CSTPP1: variants seen among roughly 807,000 people sequenced by gnomAD.
The protein encoded by CSTPP1 is centriolar satellite-associated tubulin polyglutamylase complex regulator 1, also known as UPF0705 protein C11orf49.
chr11:46,998,142 T>C, the CSTPP1 span, among the ~76,000 whole-genome samples: 1 of 152,228 alleles, frequency 6.6e-6, no homozygotes, highest in African/African-American at 2.4e-5. Context: ...CTGGGAGCTG[T>C]AGACTGGAGC....
chr11:47,096,998 T>C, the CSTPP1 span, among the ~76,000 whole-genome samples: 1 of 152,158 alleles, frequency 6.6e-6, no homozygotes, highest in African/African-American at 2.4e-5. Context: ...GATCTCCTAA[T>C]AAAGCAGGGA....
chr11:47,129,278 A>T, the CSTPP1 span, among the ~76,000 whole-genome samples: 1 of 152,132 alleles, frequency 6.6e-6, no homozygotes, highest in African/African-American at 2.4e-5. Context: ...TCTAGGCTGG[A>T]GTCACTTCTT....
At chr11:47,077,389 C>T in the CSTPP1 span, among the ~76,000 whole-genome samples, 4 of 151,834 alleles carry the variant, frequency 2.6e-5, no homozygotes, top group East Asian at 3.9e-4. Flanking sequence ...TTAGTAGAGA[C>T]GGGTTTCACC....
At chr11:47,143,909 G>A in the CSTPP1 span, among the ~76,000 whole-genome samples, 1 of 152,162 alleles carries the variant, frequency 6.6e-6, no homozygotes, top group Non-Finnish European at 1.5e-5. Flanking sequence ...AATGGTGGCT[G>A]GCACAGAGTA....
chr11:47,035,305 G>A, the CSTPP1 span, among the ~76,000 whole-genome samples: 2 of 152,116 alleles, frequency 1.3e-5, no homozygotes, highest in African/African-American at 2.4e-5. Context: ...GAGCACTTCC[G>A]GCATCACTAG....
chr11:47,091,262 T>C, the CSTPP1 span, among the ~76,000 whole-genome samples: 27 of 150,558 alleles, frequency 1.8e-4, no homozygotes, highest in Non-Finnish European at 3.8e-4. Context: ...CACATCCAGC[T>C]ACTCGGGAGG....
At chr11:47,147,738 T>C in the CSTPP1 span, among the ~76,000 whole-genome samples, 1 of 152,184 alleles carries the variant, frequency 6.6e-6, no homozygotes, top group Non-Finnish European at 1.5e-5. Flanking sequence ...ATTTGAATTA[T>C]AGCTTTTTTG....
the CSTPP1 span, among the ~76,000 whole-genome samples, chr11:47,036,169 A>T: frequency 1.8e-5 from 1 of 54,710 alleles, no homozygotes; most frequent in African/African-American, 6.3e-5. Flanking sequence ...AATGCATATT[A>T]TAATATATAA....
At chr11:46,986,196 C>T in the CSTPP1 span, among the ~76,000 whole-genome samples, 2 of 151,992 alleles carry the variant, frequency 1.3e-5, no homozygotes, top group Non-Finnish European at 1.5e-5. Context: ...ATTAAGCTAC[C>T]AAGACAGAGC....
chr11:47,016,729 A>G, the CSTPP1 span, among the ~76,000 whole-genome samples: 1 of 152,132 alleles, frequency 6.6e-6, no homozygotes, highest in East Asian at 1.9e-4. Flanking sequence ...GGTCAAAGGA[A>G]ACTTTGGGAG....
chr11:46,992,972 G>T, the CSTPP1 span, among the ~76,000 whole-genome samples: 2 of 152,098 alleles, frequency 1.3e-5, no homozygotes, highest in African/African-American at 2.4e-5. Context: ...TTTGATTTGC[G>T]TTCTCTGATG....
chr11:47,038,797 C>T, the CSTPP1 span, among the ~76,000 whole-genome samples: 306 of 115,942 alleles, frequency 2.6e-3, 11 homozygotes, highest in African/African-American at 7.7e-3. Flanking sequence ...GGGCGGTTGC[C>T]GGGCGGAGGG....
the CSTPP1 span, among the ~76,000 whole-genome samples, chr11:46,970,446 G>A: frequency 6.6e-6 from 1 of 150,800 alleles, no homozygotes; most frequent in Admixed American, 6.6e-5. Context: ...CATTAATTGA[G>A]ATAACTAGAT....
At chr11:47,096,371 C>G in the CSTPP1 span, among the ~76,000 whole-genome samples, 1 of 152,190 alleles carries the variant, frequency 6.6e-6, no homozygotes, top group East Asian at 1.9e-4. Flanking sequence ...CTCCCAGGCC[C>G]TGGTAACCTC....
chr11:46,954,196 G>A, the CSTPP1 span, among the ~76,000 whole-genome samples: 1 of 152,204 alleles, frequency 6.6e-6, no homozygotes, highest in Non-Finnish European at 1.5e-5. Flanking sequence ...ATAATAATTA[G>A]AAGAAACAGT....
At chr11:47,121,523 C>T in the CSTPP1 span, among the ~76,000 whole-genome samples, 3 of 152,354 alleles carry the variant, frequency 2.0e-5, no homozygotes, top group South Asian at 6.2e-4. Context: ...TATGACTTCA[C>T]AACTTAAAAG....
the CSTPP1 span, among the ~76,000 whole-genome samples, chr11:46,983,290 T>TG: frequency 6.6e-6 from 1 of 152,184 alleles, no homozygotes; most frequent in Non-Finnish European, 1.5e-5. Flanking sequence ...TGCCTTCACT[T>TG]GCTAGGTTCA....
At chr11:46,948,018 T>G in the CSTPP1 span, 1 of 456,132 alleles carries the variant, frequency 2.2e-6, no homozygotes, top group South Asian at 1.5e-5. Context: ...TTCTGTATTT[T>G]AAAATAGGCA....
the CSTPP1 span, chr11:46,948,260 C>A: frequency 2.4e-6 from 1 of 420,354 alleles, no homozygotes; most frequent in Non-Finnish European, 4.8e-6. Flanking sequence ...TTCTTTCCAA[C>A]TTTGCCTCTT....
Sources: allele counts gnomAD v4.1 joint callset (sites outside exome capture counted in the v4.1 genomes callset), GRCh38; gene constraint gnomAD v4.1.1; transcripts MANE v1.5; gene names NCBI Gene and HGNC (gene_info 2026-07-23, HGNC 2026-07-21).